Variants in NRXN3 observed in about 807,000 individuals in gnomAD.
The protein encoded by NRXN3 is neurexin 3.
In NRXN3, 32 loss-of-function variants were observed where a neutral mutation model predicts 137.6. The observed-to-expected ratio is 0.23, with a 90% confidence interval of 0.18 to 0.31. The LOEUF (loss-of-function observed/expected upper bound fraction) is 0.31. Ranked by LOEUF, NRXN3 falls within the 10% of genes least tolerant of loss-of-function variation. The probability of loss-of-function intolerance (pLI) is 1.00; values close to 1 mark genes in which losing one functional copy is unlikely to be tolerated. For synonymous variants in NRXN3, 798 were observed against 784.5 expected, an observed-to-expected ratio of 1.02 and a Z score of -0.29; for missense variants, 1,574 against 2,062.5, an observed-to-expected ratio of 0.76 and a Z score of 4.59.
At chr14:78,997,799 G>C (rs1038637615) in intron 15 of NRXN3, among the ~76,000 whole-genome samples, 1 of 152,066 alleles carries the variant, frequency 6.6e-6, no homozygotes. Context: ...TTCCCTTTCC[G>C]GTTAGTTCTT....
intron 16 of NRXN3, among the ~76,000 whole-genome samples, chr14:79,492,173 T>G (rs903691138): frequency 6.6e-6 from 1 of 151,912 alleles, no homozygotes; most frequent in African/African-American, 2.4e-5. Flanking sequence ...ATATATAAAC[T>G]CCAAAAAAAT....
At chr14:78,978,957 G>C (rs1307653510) in intron 14 of NRXN3, among the ~76,000 whole-genome samples, 1 of 151,768 alleles carries the variant, frequency 6.6e-6, no homozygotes, top group African/African-American at 2.4e-5. Flanking sequence ...GCTCTGATTC[G>C]AAAAGCCCAA....
intron 16 of NRXN3, among the ~76,000 whole-genome samples, chr14:79,656,682 C>G (rs1049594615): frequency 6.8e-6 from 1 of 147,964 alleles, no homozygotes; most frequent in Non-Finnish European, 1.5e-5. Flanking sequence ...AGTCTTATCT[C>G]TCTGCGCCCT....
intron 4 of NRXN3, among the ~76,000 whole-genome samples, chr14:78,530,052 G>A (rs758607512): frequency 6.6e-6 from 1 of 152,094 alleles, no homozygotes; most frequent in African/African-American, 2.4e-5. Flanking sequence ...ATTCACATAG[G>A]AATTTTCAAT....
intron 19 of NRXN3, among the ~76,000 whole-genome samples, chr14:79,748,855 C>T (rs1441500344): frequency 6.6e-6 from 1 of 151,664 alleles, no homozygotes; most frequent in Non-Finnish European, 1.5e-5. Context: ...ACCTGTTTTC[C>T]CCATAAATGC....
At chr14:78,238,388 G>A (rs1029209949) in intron 1 of NRXN3, among the ~76,000 whole-genome samples, 9 of 152,302 alleles carry the variant, frequency 5.9e-5, no homozygotes, top group South Asian at 2.1e-4. Flanking sequence ...GGCTGCCTGC[G>A]TTCTCCTATG....
At chr14:79,490,213 T>G (rs184895042) in intron 16 of NRXN3, among the ~76,000 whole-genome samples, 1 of 152,268 alleles carries the variant, frequency 6.6e-6, no homozygotes, top group African/African-American at 2.4e-5. Context: ...ACACTGTTGG[T>G]TGGAATGTAA....
At chr14:79,564,944 A>G (rs1468965443) in intron 16 of NRXN3, among the ~76,000 whole-genome samples, 1 of 152,068 alleles carries the variant, frequency 6.6e-6, no homozygotes, top group East Asian at 1.9e-4. Context: ...AATGGAGAAA[A>G]CAGGGAGGGA....
chr14:79,358,607 G>GAGAAAGAAAAGAA (rs2093539679), intron 15 of NRXN3, among the ~76,000 whole-genome samples: 3 of 79,944 alleles, frequency 3.8e-5, no homozygotes, highest in African/African-American at 1.3e-4. Flanking sequence ...AAGAAAGAAA[G>GAGAAAGAAAAGAA]AGAAAGAAAG....
chr14:79,102,719 A>G (rs569549325), intron 15 of NRXN3, among the ~76,000 whole-genome samples: 21 of 152,282 alleles, frequency 1.4e-4, no homozygotes, highest in African/African-American at 4.1e-4. Context: ...GTTATTTTGA[A>G]CTGTGTCTTC....
At chr14:78,895,096 G>GCCTTA (rs985603408) in intron 10 of NRXN3, among the ~76,000 whole-genome samples, 2 of 151,686 alleles carry the variant, frequency 1.3e-5, no homozygotes, top group African/African-American at 2.4e-5. Flanking sequence ...GTCACCAGCT[G>GCCTTA]CCTTAGCCCC....
chr14:79,681,291 C>T (rs1423697282), intron 17 of NRXN3, among the ~76,000 whole-genome samples: 6 of 152,100 alleles, frequency 3.9e-5, no homozygotes, highest in Non-Finnish European at 5.9e-5. Context: ...TTTCCTTTAC[C>T]CACTCTCGGA....
intron 16 of NRXN3, among the ~76,000 whole-genome samples, chr14:79,557,717 T>C (rs2097445083): frequency 6.6e-6 from 1 of 152,266 alleles, no homozygotes; most frequent in East Asian, 1.9e-4. Flanking sequence ...TGGAGGGTCT[T>C]GTCTTGATGT....
intron 4 of NRXN3, among the ~76,000 whole-genome samples, chr14:78,623,701 GTATT>G (rs1227062327): frequency 6.6e-6 from 1 of 152,168 alleles, no homozygotes; most frequent in Non-Finnish European, 1.5e-5. Flanking sequence ...CAAGTAGCTG[GTATT>G]TATAGGCACA....
intron 2 of NRXN3, among the ~76,000 whole-genome samples, chr14:78,274,904 T>C (rs1204491058): frequency 6.6e-6 from 1 of 152,180 alleles, no homozygotes; most frequent in Non-Finnish European, 1.5e-5. Flanking sequence ...TGAGTACCTG[T>C]TACCTACTGA....
At chr14:78,444,690 C>T (rs957164419) in intron 4 of NRXN3, among the ~76,000 whole-genome samples, 6 of 151,672 alleles carry the variant, frequency 4.0e-5, no homozygotes, top group Non-Finnish European at 5.9e-5. Context: ...GAGGCTGAGG[C>T]GGGTGGATGA....
At chr14:79,852,206 T>C (rs1175939880) in intron 20 of NRXN3, among the ~76,000 whole-genome samples, 2 of 149,032 alleles carry the variant, frequency 1.3e-5, no homozygotes, top group Non-Finnish European at 3.0e-5. Flanking sequence ...TTCCAATTCC[T>C]GTCAATACAG....
chr14:79,699,424 A>G (rs1396778108), intron 19 of NRXN3, among the ~76,000 whole-genome samples: 1 of 151,930 alleles, frequency 6.6e-6, no homozygotes. Flanking sequence ...CAGAGAAGCA[A>G]ATGGCTTTTT....
At chr14:78,717,808 A>G (rs1157961987) in intron 8 of NRXN3, among the ~76,000 whole-genome samples, 1 of 152,208 alleles carries the variant, frequency 6.6e-6, no homozygotes, top group Non-Finnish European at 1.5e-5. Context: ...AGGGGTGTAT[A>G]GTCCTCCCAG....
Sources: gnomAD v4.1 joint callset for allele counts (sites outside exome capture counted in the v4.1 genomes callset) on GRCh38, gnomAD v4.1.1 for gene constraint, MANE v1.5 for transcripts, NCBI Gene and HGNC (gene_info 2026-07-23, HGNC 2026-07-21) for gene names.